Variants in CACNA2D3 observed in about 807,000 individuals in gnomAD.
CACNA2D3 encodes calcium voltage-gated channel auxiliary subunit alpha2delta 3.
Under a neutral mutation model 160.6 loss-of-function variants are expected in CACNA2D3, and 60 were observed. The observed-to-expected ratio is 0.37, with a 90% CI of 0.30 to 0.46. The LOEUF (loss-of-function observed/expected upper bound fraction) is 0.46, where lower values mean the gene tolerates loss of function less well. Among genes scored for constraint, CACNA2D3 ranks in the 20% least tolerant of loss-of-function variants. CACNA2D3 has a pLI of 1.00. For synonymous variants in CACNA2D3, 558 were observed against 492.9 expected, an observed-to-expected ratio of 1.13 and a Z score of -1.75; for missense variants, 1,205 against 1,365.0, an observed-to-expected ratio of 0.88 and a Z score of 1.85.
In CACNA2D3 at chr3:54,642,136, C is replaced by A; in HGVS notation, c.1062C>A (p.His354Gln). The change falls in exon 11 of 38, where the codon CAC (histidine) becomes CAA (glutamine). Residue 354 changes from histidine (H) to glutamine (Q), a missense_variant. By Grantham distance (24) the His-to-Gln change is conservative. Coordinates refer to ENST00000474759, the MANE Select transcript of CACNA2D3 (RefSeq NM_018398.3). ...CTTATTTCTTTCCCTAGTTCAACCACACGGGACAAGGAAGTATCTGCAGTC... is the reference window on the plus strand; with the variant it reads ...CTTATTTCTTTCCCTAGTTCAACCAAACGGGACAAGGAAGTATCTGCAGTC... ...EAFNILSDFN[H>Q]TGQGSICSQA... is the part of the protein sequence containing the mutation. The A allele has an allele frequency of 6.2e-7, 1 of 1,609,212 alleles. No homozygotes were observed. The highest frequency in any genetic ancestry group is 8.5e-7 in the Non-Finnish European group (1 of 1,177,024).
At chr3:54,452,741 T>G (rs1433372071) in intron 4 of CACNA2D3, among the ~76,000 whole-genome samples, 2 of 152,178 alleles carry the variant, frequency 1.3e-5, no homozygotes, top group African/African-American at 2.4e-5. Flanking sequence ...ATTTCATGGT[T>G]CTGGAGGCTT....
chr3:54,926,211 A>C (rs1329230537), intron 27 of CACNA2D3, among the ~76,000 whole-genome samples: 2 of 152,188 alleles, frequency 1.3e-5, no homozygotes, highest in East Asian at 3.8e-4. Flanking sequence ...TATAGCATGC[A>C]TTTTGAGCCA....
At chr3:54,562,711 C>A in intron 5 of CACNA2D3, 89 bp from the exon 6 acceptor site, 2 of 1,128,030 alleles carry the variant, frequency 1.8e-6, no homozygotes, top group Non-Finnish European at 2.6e-6. Context: ...GTACCTTGTG[C>A]CAGTATCTGC....
At chr3:54,172,203 G>A (rs1228279912) in intron 2 of CACNA2D3, among the ~76,000 whole-genome samples, 1 of 152,174 alleles carries the variant, frequency 6.6e-6, no homozygotes, top group African/African-American at 2.4e-5. Context: ...CTCTCCGTGG[G>A]CTGCCAGTGT....
intron 2 of CACNA2D3, among the ~76,000 whole-genome samples, chr3:54,135,479 C>G (rs1699798388): frequency 1.3e-5 from 2 of 152,242 alleles, no homozygotes; most frequent in African/African-American, 4.8e-5. Context: ...CACCCCCGGA[C>G]ATGAGGGGAG....
intron 12 of CACNA2D3, among the ~76,000 whole-genome samples, chr3:54,763,809 A>G (rs866460399): frequency 0.035 from 554 of 15,710 alleles, 136 homozygotes; most frequent in African/African-American, 0.077. Flanking sequence ...GTACATATAT[A>G]TACATATATA....
chr3:54,921,569 GTCTATTT>G (rs1460606349), intron 27 of CACNA2D3, among the ~76,000 whole-genome samples: 1 of 151,978 alleles, frequency 6.6e-6, no homozygotes, highest in Non-Finnish European at 1.5e-5. Context: ...ACTTTTTGTG[GTCTATTT>G]GAGGCCATGT....
At chr3:54,256,514 G>A (rs1227101049) in intron 2 of CACNA2D3, among the ~76,000 whole-genome samples, 1 of 152,058 alleles carries the variant, frequency 6.6e-6, no homozygotes, top group Non-Finnish European at 1.5e-5. Flanking sequence ...AAATCAATAG[G>A]CATTTGAGTG....
At chr3:54,465,737 G>A (rs1402226545) in intron 4 of CACNA2D3, among the ~76,000 whole-genome samples, 2 of 152,206 alleles carry the variant, frequency 1.3e-5, no homozygotes, top group Non-Finnish European at 2.9e-5. Flanking sequence ...ACCTAGAGAT[G>A]TACTACTTTT....
rs1273367921 is a variant in CACNA2D3, at chr3:54,904,820, A to G, written c.2449+4952A>G. 2.0e-5 allele frequency among the ~76,000 whole-genome samples: 3 copies of G among 152,208 alleles called. No homozygotes were observed. In the East Asian group the frequency reaches 5.8e-4, roughly 29 times the overall value. On this transcript the variant is annotated intron_variant, in intron 27 of 37. Coordinates refer to ENST00000474759, the MANE Select transcript of CACNA2D3 (RefSeq NM_018398.3). ...AAACATAGTACTTGACTAAAACTCT[A>G]AGACAGATAATCACTCAGTAGCTAA...
intron 3 of CACNA2D3, among the ~76,000 whole-genome samples, chr3:54,349,408 C>T (rs1559457280): frequency 2.6e-5 from 4 of 152,170 alleles, no homozygotes; most frequent in Non-Finnish European, 4.4e-5. Context: ...TTTAGGAATT[C>T]CAAAGCAAAG....
intron 8 of CACNA2D3, among the ~76,000 whole-genome samples, chr3:54,571,248 C>T (rs1245946851): frequency 5.3e-5 from 8 of 152,088 alleles, no homozygotes; most frequent in Non-Finnish European, 8.8e-5. Flanking sequence ...GAAGCCTTCA[C>T]GTCCTAGGCT....
chr3:54,463,577 G>A (rs1257954545), intron 4 of CACNA2D3, among the ~76,000 whole-genome samples: 1 of 150,924 alleles, frequency 6.6e-6, no homozygotes, highest in Non-Finnish European at 1.5e-5. Context: ...GGCTCCTGAG[G>A]CTTCTGCATT....
At chr3:54,838,462 A>G in intron 15 of CACNA2D3, 106 bp from the exon 16 acceptor site, 1 of 848,860 alleles carries the variant, frequency 1.2e-6, no homozygotes, top group Non-Finnish European at 2.0e-6. Context: ...AATCTGTATC[A>G]GTTTGGGGAA....
chr3:54,206,456 G>GGTCTCATT (rs1242298009), intron 2 of CACNA2D3, among the ~76,000 whole-genome samples: 1 of 152,184 alleles, frequency 6.6e-6, no homozygotes, highest in Non-Finnish European at 1.5e-5. Context: ...CTGGGAGGAA[G>GGTCTCATT]GTCTCATTAC....
intron 13 of CACNA2D3, among the ~76,000 whole-genome samples, chr3:54,777,169 A>C (rs1702440435): frequency 6.6e-6 from 1 of 152,210 alleles, no homozygotes; most frequent in African/African-American, 2.4e-5. Flanking sequence ...CTCCAAAAGA[A>C]TCGATGTGCC....
chr3:54,475,208 T>C (rs946325481), intron 4 of CACNA2D3, among the ~76,000 whole-genome samples: 1 of 152,186 alleles, frequency 6.6e-6, no homozygotes. Flanking sequence ...TGCTGGTGAA[T>C]TCTCTACCAC....
At chr3:54,160,957 A>G (rs565675631) in intron 2 of CACNA2D3, among the ~76,000 whole-genome samples, 5 of 152,314 alleles carry the variant, frequency 3.3e-5, no homozygotes, top group African/African-American at 9.6e-5. Context: ...AGCAAAGGCG[A>G]AGTCCAGCAG....
chr3:54,478,446 C>T (rs1368815768), intron 4 of CACNA2D3, among the ~76,000 whole-genome samples: 1 of 151,540 alleles, frequency 6.6e-6, no homozygotes. Context: ...TCCTCGCTAA[C>T]ACGGTGAAAC....
Sources: allele counts gnomAD v4.1 joint callset (sites outside exome capture counted in the v4.1 genomes callset), GRCh38; gene constraint gnomAD v4.1.1; transcripts MANE v1.5; gene names NCBI Gene and HGNC (gene_info 2026-07-23, HGNC 2026-07-21).